Variants in NDST1 observed in about 807,000 individuals in gnomAD.
The protein encoded by NDST1 is N-deacetylase and N-sulfotransferase 1.
In NDST1, 35 loss-of-function variants were observed where a neutral mutation model predicts 92.8. The observed-to-expected ratio is 0.38, with a 90% CI of 0.29 to 0.50. The LOEUF (loss-of-function observed/expected upper bound fraction) is 0.50, where lower values mean the gene tolerates loss of function less well. Ranked by LOEUF, NDST1 falls within the 20% of genes least tolerant of loss-of-function variation. The pLI is 0.94. For missense variants in NDST1, 822 were observed against 1,182.7 expected (o/e 0.69, Z 4.47); for synonymous variants, 493 against 500.3 (o/e 0.99, Z 0.19).
intron 1 of NDST1, among the ~76,000 whole-genome samples, chr5:150,508,560 A>G (rs1753572763): frequency 6.6e-6 from 1 of 152,192 alleles, no homozygotes; most frequent in Non-Finnish European, 1.5e-5. Flanking sequence ...ACAGCTAGGC[A>G]TGTCCACAAA....
At chr5:150,509,015 C>A (rs1372666024) in intron 1 of NDST1, among the ~76,000 whole-genome samples, 1 of 152,150 alleles carries the variant, frequency 6.6e-6, no homozygotes, top group Non-Finnish European at 1.5e-5. Flanking sequence ...CCTGACCTTA[C>A]AAGCTGGGGA....
chr5:150,546,712 A>G (rs1385250733), intron 11 of NDST1, among the ~76,000 whole-genome samples: 1 of 151,994 alleles, frequency 6.6e-6, no homozygotes, highest in African/African-American at 2.4e-5. Context: ...CCCGCCTGGG[A>G]CCTTGCGGTC....
At chr5:150,518,216 CCTTCCT>C (rs67577092) in intron 1 of NDST1, among the ~76,000 whole-genome samples, 2,227 of 152,168 alleles carry the variant, frequency 0.015, 23 homozygotes, top group Non-Finnish European at 0.024. Flanking sequence ...GCTTAGGTAC[CCTTCCT>C]CCAGGAAGCC....
At chr5:150,513,350 G>T (rs996578750) in intron 1 of NDST1, among the ~76,000 whole-genome samples, 1 of 152,176 alleles carries the variant, frequency 6.6e-6, no homozygotes, top group Non-Finnish European at 1.5e-5. Flanking sequence ...AATTAGCTGG[G>T]CATGGTGGCA....
rs374439441 is a variant in NDST1 at position 150,532,231 on chromosome 5, C to T, written c.1009-714C>T. 1.2e-3 allele frequency among the ~76,000 whole-genome samples: 182 copies of T among 152,280 alleles called. 3 individuals are homozygous for T. The South Asian group carries it at 0.036, about 30-fold the overall frequency. On this transcript the variant is annotated intron_variant, in intron 3 of 14. Coordinates refer to ENST00000261797, the MANE Select transcript of NDST1 (RefSeq NM_001543.5). ...AAGCAATCCTCCTGCCTTAGCCTCC[C>T]GAATAGCTGGCATACATGCGGTTAT... is the stretch of plus-strand genomic sequence containing the variant.
intron 10 of NDST1, among the ~76,000 whole-genome samples, chr5:150,543,249 G>T (rs893067712): frequency 2.6e-5 from 4 of 152,246 alleles, no homozygotes; most frequent in African/African-American, 9.6e-5. Flanking sequence ...GAAACATCCT[G>T]AGTCTTGGGG....
chr5:150,504,962 C>A (rs1173240597), upstream of NDST1, among the ~76,000 whole-genome samples: 3 of 152,204 alleles, frequency 2.0e-5, no homozygotes, highest in Non-Finnish European at 4.4e-5. Flanking sequence ...CATTGTGTTC[C>A]TGTGTGCGTG....
At chr5:150,523,907 A>C (rs1581371064) in intron 2 of NDST1, among the ~76,000 whole-genome samples, 1 of 152,322 alleles carries the variant, frequency 6.6e-6, no homozygotes, top group African/African-American at 2.4e-5. Flanking sequence ...GGTTTTGAGC[A>C]GAGGCCTGTG....
intron 12 of NDST1, 67 bp downstream of exon 12, chr5:150,548,455 C>T: frequency 1.3e-6 from 2 of 1,561,204 alleles, no homozygotes; most frequent in East Asian, 2.3e-5. Flanking sequence ...AGCGGAGAGC[C>T]TCCAACTCTT....
At chr5:150,506,505 C>T (rs758505530), upstream of NDST1, among the ~76,000 whole-genome samples, 1 of 152,196 alleles carries the variant, frequency 6.6e-6, no homozygotes, top group Non-Finnish European at 1.5e-5. Context: ...CCCTGGTCTC[C>T]TGGCCCCATG....
At chr5:150,533,272 G>A (rs549021219) in intron 4 of NDST1, among the ~76,000 whole-genome samples, 19 of 152,326 alleles carry the variant, frequency 1.2e-4, no homozygotes, top group Non-Finnish European at 2.4e-4. Context: ...CTGTCCTTTC[G>A]GGCTGAGCTG....
intron 1 of NDST1, among the ~76,000 whole-genome samples, chr5:150,513,834 C>G (rs1478770770): frequency 6.6e-6 from 1 of 152,218 alleles, no homozygotes; most frequent in Non-Finnish European, 1.5e-5. Context: ...TCTTATGGGT[C>G]CGGGGCAGCA....
At position 150,558,137 on chromosome 5, in the gene NDST1, G is replaced by T. The variant is rs1190745210; in HGVS notation, c.*4805G>T. Reference sequence around the variant, plus strand: ...GCTCTCGAACCAGCCGTTTTGGGTTGTGTTAAAGGTGAGACCTTCCTCCAT... The same window carrying T: ...GCTCTCGAACCAGCCGTTTTGGGTTTTGTTAAAGGTGAGACCTTCCTCCAT... On this transcript the variant is annotated 3_prime_UTR_variant, in exon 15 of 15. Coordinates refer to ENST00000261797, the MANE Select transcript of NDST1 (RefSeq NM_001543.5). 3 of 152,600 alleles carry T rather than the reference G, an allele frequency of 2.0e-5. No individual in the cohort carries two copies. Among genetic ancestry groups the T allele is most frequent in the Non-Finnish European group, 4.4e-5 (3 of 68,052 alleles). 9.5% of individuals were successfully genotyped at this position (152,600 alleles called of 1,614,324 possible). A position where few individuals can be genotyped will look rare whatever the true frequency, so the allele number is the denominator to read the frequency against.
At chr5:150,522,610 G>C (rs1406511305) in intron 2 of NDST1, among the ~76,000 whole-genome samples, 1 of 152,176 alleles carries the variant, frequency 6.6e-6, no homozygotes, top group Non-Finnish European at 1.5e-5. Flanking sequence ...CAGTGTTTGT[G>C]GTCCTGTGCT....
intron 1 of NDST1, among the ~76,000 whole-genome samples, chr5:150,499,031 A>T (rs1206180285): frequency 1.3e-5 from 2 of 152,194 alleles, no homozygotes; most frequent in African/African-American, 4.8e-5. Context: ...CCATCCTTGC[A>T]GCCCAGCACC....
Position 150,529,390 on chromosome 5 carries a change from CAAAA to C in NDST1, c.1008+1112_1008+1115del, listed in dbSNP as rs11418788. Among the ~76,000 whole-genome samples the C allele has an allele frequency of 3.1e-3, 202 of 65,162 alleles. No individual in the cohort carries two copies. The Middle Eastern group carries it at 0.036, about 12-fold the overall frequency. The allele number at this position is 65,162 out of a possible 152,430, so 42.7% of individuals were successfully genotyped here. ...TGGGCCACAGAGCAAGACCCTGTCT[CAAAA>C]AAAAAAAAAAAAAAAAAAAGTTTTT... is the stretch of plus-strand genomic sequence containing the variant. On this transcript the variant is annotated intron_variant, in intron 3 of 14. Transcript: ENST00000261797.
At chr5:150,503,299 A>G (rs903176563), upstream of NDST1, among the ~76,000 whole-genome samples, 7 of 152,090 alleles carry the variant, frequency 4.6e-5, no homozygotes, top group South Asian at 2.1e-4. Flanking sequence ...AAAATTAGCC[A>G]GACACGGTGG....
chr5:150,515,137 C>G (rs1038203779), intron 1 of NDST1, among the ~76,000 whole-genome samples: 1 of 152,138 alleles, frequency 6.6e-6, no homozygotes, highest in African/African-American at 2.4e-5. Flanking sequence ...GGCAGGAAGC[C>G]AGATGAAGGA....
intron 1 of NDST1, among the ~76,000 whole-genome samples, chr5:150,508,903 C>G (rs1338786076): frequency 6.6e-6 from 1 of 152,186 alleles, no homozygotes; most frequent in Non-Finnish European, 1.5e-5. Flanking sequence ...ACTGCAGTTG[C>G]AGAAACTGAG....
Sources: gnomAD v4.1 joint callset for allele counts (sites outside exome capture counted in the v4.1 genomes callset) on GRCh38, gnomAD v4.1.1 for gene constraint, MANE v1.5 for transcripts, NCBI Gene and HGNC (gene_info 2026-07-23, HGNC 2026-07-21) for gene names.